The following C3orf20 variants were observed in gnomAD, a reference collection of about 807,000 sequenced individuals.
C3orf20 encodes uncharacterized protein C3orf20.
Under a neutral mutation model 88.3 loss-of-function variants are expected in C3orf20, and 76 were observed. The ratio of observed to expected loss-of-function variants is 0.86; its 90% CI spans 0.72 to 1.04. The LOEUF (loss-of-function observed/expected upper bound fraction) is 1.04, where lower values mean the gene tolerates loss of function less well. Ranked by LOEUF, C3orf20 falls within the 50% of genes least tolerant of loss-of-function variation. C3orf20 has a pLI of 0.00. For synonymous variants in C3orf20, 436 were observed against 437.4 expected, an observed-to-expected ratio of 1.00 and a Z score of 0.04; for missense variants, 1,056 against 1,123.3, an observed-to-expected ratio of 0.94 and a Z score of 0.86.
chr3:14,686,045 A>G (rs536368394), intron 4 of C3orf20, among the ~76,000 whole-genome samples: 2 of 152,084 alleles, frequency 1.3e-5, no homozygotes, highest in South Asian at 4.1e-4. Flanking sequence ...TATTTTTAGT[A>G]GAGACGGGGT....
At chr3:14,725,755 G>A (rs2034324289) in intron 10 of C3orf20, among the ~76,000 whole-genome samples, 1 of 151,888 alleles carries the variant, frequency 6.6e-6, no homozygotes, top group Non-Finnish European at 1.5e-5. Context: ...GCCACTTGAG[G>A]ATTAAATTCC....
At position 14,714,073 on chromosome 3, in the gene C3orf20, C is replaced by G; in HGVS notation, c.1227C>G (p.Cys409Trp). The G allele has an allele frequency of 6.2e-7, 1 of 1,614,116 alleles. No homozygotes were observed. Among genetic ancestry groups the G allele is most frequent in the Non-Finnish European group, 8.5e-7 (1 of 1,180,016 alleles). Residue 409 changes from cysteine (C) to tryptophan (W), a missense_variant, in exon 8 of 17, where the codon TGC (cysteine) becomes TGG (tryptophan). Physicochemically the swap from Cys to Trp is radical, Grantham distance 215. Coordinates refer to ENST00000253697, the MANE Select transcript of C3orf20 (RefSeq NM_032137.5). ...GCTGCAGAGGGAGAACCATCACCTG[C>G]CTCTTTAATGACATACCTGGATTCT... is the stretch of plus-strand genomic sequence containing the variant. The part of the protein sequence containing the change: ...PTCCRGRTIT[C>W]LFNDIPGFSL...
Position 14,723,394 on chromosome 3 carries a change from A to C in C3orf20, c.1566+1610A>C, listed in dbSNP as rs986593667. Among the ~76,000 whole-genome samples the C allele has an allele frequency of 6.6e-5, 10 of 152,364 alleles. No individual in the cohort carries two copies. The East Asian group carries it at 1.7e-3, about 26-fold the overall frequency. On this transcript the variant is annotated intron_variant, in intron 10 of 16. Coordinates refer to ENST00000253697, the MANE Select transcript of C3orf20 (RefSeq NM_032137.5). ...ATTCCAGCAGCATTTCACCTTCATT[A>C]ATTCATTAACAAATTCAATAAACAT...
At chr3:14,769,482 G>A (rs1362712264) in intron 15 of C3orf20, among the ~76,000 whole-genome samples, 2 of 152,212 alleles carry the variant, frequency 1.3e-5, no homozygotes, top group Middle Eastern at 3.4e-3. Flanking sequence ...TTACAGCTGC[G>A]CCACTTGGTA....
intron 10 of C3orf20, among the ~76,000 whole-genome samples, chr3:14,724,065 C>T (rs748430644): frequency 7.2e-5 from 11 of 152,142 alleles, no homozygotes; most frequent in South Asian, 2.1e-4. Flanking sequence ...ATGACCCACG[C>T]GCCTCAGCCT....
chr3:14,703,065 C>G (rs1484807511), intron 5 of C3orf20, 65 bp from the exon 6 acceptor site: 1 of 1,582,880 alleles, frequency 6.3e-7, no homozygotes, highest in African/African-American at 1.3e-5. Flanking sequence ...CCAGGTGACA[C>G]TGATGCAAAA....
chr3:14,773,014 GT>G lies in C3orf20; in HGVS notation c.*140del, dbSNP rs1335861730. 4.5e-6 allele frequency: 3 copies of G among 671,914 alleles called. No homozygotes were observed. The highest frequency in any genetic ancestry group is 2.3e-5 in the Admixed American group (1 of 42,630). 41.6% of individuals were successfully genotyped at this position (671,914 alleles called of 1,614,324 possible). A position where few individuals can be genotyped will look rare whatever the true frequency, so the allele number is the denominator to read the frequency against. On this transcript the variant is annotated 3_prime_UTR_variant, in exon 17 of 17. Transcript: ENST00000253697. The stretch of plus-strand genomic sequence containing the variant: ...AAACCAGCGGGCCTCCAGCATTGGG[GT>G]GAGGCTCTGGGGAAGGACAGACCCA...
chr3:14,742,619 G>A (rs1296830394), intron 12 of C3orf20, among the ~76,000 whole-genome samples: 5 of 152,166 alleles, frequency 3.3e-5, no homozygotes. Context: ...AAGACATTGA[G>A]ACTTTCAAAA....
At chr3:14,676,464 T>G (rs1487213934) in intron 1 of C3orf20, among the ~76,000 whole-genome samples, 2 of 152,246 alleles carry the variant, frequency 1.3e-5, no homozygotes, top group Non-Finnish European at 2.9e-5. Context: ...TCTTTAACAT[T>G]TCTAAAACCG....
Position 14,728,698 on chromosome 3 carries a change from G to T in C3orf20, c.1940+10G>T. ...CCAAGGTCACATCCAGGTTGGCTTG[G>T]TCCTTCACGTCTTCCGCAGCATCGG... On this transcript the variant is annotated intron_variant, in intron 12 of 16. Coordinates refer to ENST00000253697, the MANE Select transcript of C3orf20 (RefSeq NM_032137.5). 6.2e-7 allele frequency: 1 copy of T among 1,611,860 alleles called. No individual in the cohort carries two copies. The highest frequency in any genetic ancestry group is 8.5e-7 in the Non-Finnish European group (1 of 1,179,434).
chr3:14,731,041 T>C (rs1379904225), intron 12 of C3orf20, among the ~76,000 whole-genome samples: 1 of 152,070 alleles, frequency 6.6e-6, no homozygotes, highest in African/African-American at 2.4e-5. Context: ...TATACTCTGT[T>C]TTTCCCTATA....
intron 5 of C3orf20, among the ~76,000 whole-genome samples, chr3:14,698,175 C>T (rs772973629): frequency 6.6e-6 from 1 of 152,174 alleles, no homozygotes; most frequent in African/African-American, 2.4e-5. Flanking sequence ...ATTCTGAATT[C>T]TTTCTCTGTG....
At chr3:14,703,339 AT>A in intron 6 of C3orf20, 77 bp downstream of exon 6, 1 of 1,595,358 alleles carries the variant, frequency 6.3e-7, no homozygotes, top group Non-Finnish European at 8.5e-7. Flanking sequence ...GTCCCTGTGT[AT>A]ATGTGAGTGG....
chr3:14,676,111 C>A (rs1019212509), intron 1 of C3orf20, among the ~76,000 whole-genome samples: 41 of 139,426 alleles, frequency 2.9e-4, no homozygotes, highest in Admixed American at 2.3e-3. Flanking sequence ...CCCCCTCCCC[C>A]CCGCCTTTTT....
intron 5 of C3orf20, among the ~76,000 whole-genome samples, chr3:14,695,031 T>C (rs2032930267): frequency 1.3e-5 from 2 of 152,224 alleles, no homozygotes; most frequent in African/African-American, 4.8e-5. Context: ...CCTCAAGTGA[T>C]CCACCTTCCT....
At chr3:14,723,890 A>G (rs1284486036) in intron 10 of C3orf20, among the ~76,000 whole-genome samples, 1 of 151,852 alleles carries the variant, frequency 6.6e-6, no homozygotes, top group Non-Finnish European at 1.5e-5. Flanking sequence ...CAGTGGTGCA[A>G]TCTTGGCTCA....
chr3:14,719,674 A>C (rs773818245), intron 9 of C3orf20, among the ~76,000 whole-genome samples: 3 of 152,198 alleles, frequency 2.0e-5, no homozygotes, highest in African/African-American at 7.2e-5. Flanking sequence ...GAGCTGCCAT[A>C]CTTGGGAGTT....
chr3:14,749,120 A>G (rs1368212616), intron 12 of C3orf20, among the ~76,000 whole-genome samples: 2 of 152,218 alleles, frequency 1.3e-5, no homozygotes, highest in Non-Finnish European at 2.9e-5. Context: ...TCATATATTT[A>G]GGGACTCTAT....
At chr3:14,755,190 T>A (rs983597424) in intron 12 of C3orf20, among the ~76,000 whole-genome samples, 2 of 152,216 alleles carry the variant, frequency 1.3e-5, no homozygotes, top group African/African-American at 4.8e-5. Flanking sequence ...CAAATATGTT[T>A]CTCGGTTTGT....
Sources: gnomAD v4.1 joint callset for allele counts (sites outside exome capture counted in the v4.1 genomes callset) on GRCh38, gnomAD v4.1.1 for gene constraint, MANE v1.5 for transcripts, NCBI Gene and HGNC (gene_info 2026-07-23, HGNC 2026-07-21) for gene names.